ZNF2: variants seen among roughly 807,000 people sequenced by gnomAD.
ZNF2 encodes zinc finger protein 2, also known as zinc finger protein 2.2.
Under a neutral mutation model 21.9 loss-of-function variants are expected in ZNF2, and 12 were observed. The observed-to-expected ratio is 0.55, with a 90% CI of 0.35 to 0.89. The LOEUF (loss-of-function observed/expected upper bound fraction) is 0.89. Among genes scored for constraint, ZNF2 ranks in the 40% least tolerant of loss-of-function variants. The probability of loss-of-function intolerance (pLI) is 0.01; values close to 1 mark genes in which losing one functional copy is unlikely to be tolerated. For synonymous variants in ZNF2, 186 were observed against 196.3 expected (o/e 0.95, Z 0.44); for missense variants, 462 against 544.2 (o/e 0.85, Z 1.50).
intron 4 of ZNF2, among the ~76,000 whole-genome samples, chr2:95,180,474 C>G (rs1330532463): frequency 1.3e-5 from 2 of 151,538 alleles, no homozygotes; most frequent in Non-Finnish European, 2.9e-5. Flanking sequence ...GTTACTTTCT[C>G]ACGTCTGTAA....
rs1159863243 is a variant in ZNF2, at chr2:95,184,154, C to T, written c.*2048C>T. The T allele has an allele frequency of 6.6e-6, 1 of 152,194 alleles. No homozygotes were observed. The highest frequency in any genetic ancestry group is 1.5e-5 in the Non-Finnish European group (1 of 68,052). 9.4% of individuals were successfully genotyped at this position (152,194 alleles called of 1,614,324 possible). On this transcript the variant is annotated 3_prime_UTR_variant, in exon 5 of 5. Transcript: ENST00000614034. ...GACCCTCCCCAACCTACTAACGACC[C>T]TATTACTCTGTTCACCCTAGAGCAG...
intron 1 of ZNF2, among the ~76,000 whole-genome samples, chr2:95,171,193 T>C (rs1674253489): frequency 6.6e-6 from 1 of 152,128 alleles, no homozygotes; most frequent in Non-Finnish European, 1.5e-5. Context: ...TATTCAAAGA[T>C]GTGGGGTCGG....
At chr2:95,178,681 AC>A (rs770691255) in intron 3 of ZNF2, among the ~76,000 whole-genome samples, 4 of 152,208 alleles carry the variant, frequency 2.6e-5, no homozygotes, top group Non-Finnish European at 4.4e-5. Context: ...TTTTAATATA[AC>A]CAAAAATGGA....
intron 1 of ZNF2, among the ~76,000 whole-genome samples, chr2:95,172,558 C>CT (rs1674312606): frequency 6.6e-6 from 1 of 151,690 alleles, no homozygotes; most frequent in Admixed American, 6.6e-5. Context: ...TGTGTTTTTC[C>CT]TTTTTCTATA....
At position 95,181,718 on chromosome 2, in the gene ZNF2, A is replaced by G. The variant is rs1241180537; in HGVS notation, c.890A>G (p.Lys297Arg). The G allele has an allele frequency of 1.2e-6, 2 of 1,614,154 alleles. No homozygotes were observed. Among genetic ancestry groups the G allele is most frequent in the Non-Finnish European group, 1.7e-6 (2 of 1,180,010 alleles). ...CHQCGKAFSQ[K>R]SILTRHQLIH... The stretch of plus-strand genomic sequence containing the variant: ...CAGTGTGGGAAAGCCTTTAGCCAGA[A>G]AAGTATTCTTACTCGCCATCAGCTA... Residue 297 changes from lysine to arginine, a missense_variant, in exon 5 of 5, where the codon AAA becomes AGA. By Grantham distance (26) the Lys-to-Arg change is conservative (BLOSUM62 2). Coordinates refer to ENST00000614034, the MANE Select transcript of ZNF2 (RefSeq NM_021088.4).
chr2:95,179,626 G>T (rs894783982), intron 3 of ZNF2, among the ~76,000 whole-genome samples: 4 of 152,224 alleles, frequency 2.6e-5, no homozygotes, highest in Non-Finnish European at 4.4e-5. Context: ...ATCTACACGG[G>T]TTCTCTCAAC....
rs1166522083 is a variant in ZNF2 at position 95,166,435 on chromosome 2, G to T, written c.-40+575G>T. Among the ~76,000 whole-genome samples the T allele has an allele frequency of 2.6e-5, 4 of 152,104 alleles. No homozygotes were observed. In the South Asian group the frequency reaches 8.3e-4, roughly 32 times the overall value. Reference sequence around the variant, plus strand: ...ACAAGGTTGAAGAAAAGGTACGCTGGGAGCCAGGGCCCGGGACTCAGAGAA... The same window carrying T: ...ACAAGGTTGAAGAAAAGGTACGCTGTGAGCCAGGGCCCGGGACTCAGAGAA... On this transcript the variant is annotated intron_variant, in intron 1 of 4. Transcript: ENST00000614034.
chr2:95,179,624 G>A (rs765430050), intron 3 of ZNF2, among the ~76,000 whole-genome samples: 7 of 152,154 alleles, frequency 4.6e-5, no homozygotes, highest in Non-Finnish European at 8.8e-5. Flanking sequence ...GAATCTACAC[G>A]GGTTCTCTCA....
intron 2 of ZNF2, among the ~76,000 whole-genome samples, chr2:95,176,646 G>A (rs137864400): frequency 6.6e-6 from 1 of 152,322 alleles, no homozygotes; most frequent in African/African-American, 2.4e-5. Context: ...GCTGGGGCGT[G>A]TGATACACAC....
At chr2:95,172,164 TAA>T (rs1385346624) in intron 1 of ZNF2, among the ~76,000 whole-genome samples, 1 of 152,242 alleles carries the variant, frequency 6.6e-6, no homozygotes, top group Non-Finnish European at 1.5e-5. Context: ...TATTGAGGGC[TAA>T]GTCACATAGG....
At position 95,181,851 on chromosome 2, in the gene ZNF2, T is replaced by C; in HGVS notation, c.1023T>C (p.Tyr341=). 1 of 1,614,228 alleles carries C rather than the reference T, an allele frequency of 6.2e-7. No individual in the cohort carries two copies. Among genetic ancestry groups the C allele is most frequent in the Non-Finnish European group, 8.5e-7 (1 of 1,180,052 alleles). ...AAGCTCATGCTGGGGACCCTCGCTA[T>C]CAGTGTAACGAGTGTGGCAAAGCTT... ...HQKAHAGDPR[Y]QCNECGKAFF... is the part of the protein sequence containing the mutation. Residue 341 remains tyrosine, a synonymous_variant, in exon 5 of 5, where the codon TAT becomes TAC. Transcript: ENST00000614034.
intron 3 of ZNF2, among the ~76,000 whole-genome samples, chr2:95,178,281 G>C (rs1159849122): frequency 2.6e-5 from 4 of 152,168 alleles, no homozygotes; most frequent in Non-Finnish European, 4.4e-5. Flanking sequence ...AGAGTGCCCA[G>C]ATTGAGAAAC....
intron 3 of ZNF2, among the ~76,000 whole-genome samples, 155 bp downstream of exon 3, chr2:95,177,764 G>A (rs1446217800): frequency 1.3e-5 from 2 of 152,166 alleles, no homozygotes; most frequent in Non-Finnish European, 2.9e-5. Context: ...GTACAGCAAC[G>A]GCGGGCTCAA....
Position 95,176,026 on chromosome 2 carries a change from G to A in ZNF2, c.-39-162G>A, listed in dbSNP as rs187630410. ...CATGGTTGTTGGCTCTAATTCTGGG[G>A]TGGTCTGGGATTGTTCCTGGCTTTG... On this transcript the variant is annotated intron_variant, in intron 1 of 4. Coordinates refer to ENST00000614034, the MANE Select transcript of ZNF2 (RefSeq NM_021088.4). 5.9e-5 allele frequency among the ~76,000 whole-genome samples: 9 copies of A among 152,300 alleles called. No homozygotes were observed. In the East Asian group the frequency reaches 1.4e-3, roughly 23 times the overall value.
rs1289879634 is a variant in ZNF2 at position 95,184,308 on chromosome 2, T to C, written c.*2202T>C. On this transcript the variant is annotated 3_prime_UTR_variant, in exon 5 of 5. Coordinates refer to ENST00000614034, the MANE Select transcript of ZNF2 (RefSeq NM_021088.4). ...ATGTCAAGTAGGAAATAAAAGAGAC[T>C]ATTGACAAACTTTTGGCTGATGACT... 6.6e-6 allele frequency: 1 copy of C among 152,212 alleles called. No individual in the cohort carries two copies. Among genetic ancestry groups the C allele is most frequent in the Non-Finnish European group, 1.5e-5 (1 of 68,048 alleles). The allele number at this position is 152,212 out of a possible 1,614,324, so 9.4% of individuals were successfully genotyped here.
intron 1 of ZNF2, among the ~76,000 whole-genome samples, chr2:95,168,351 G>A (rs1408672595): frequency 5.9e-5 from 9 of 151,914 alleles, no homozygotes; most frequent in African/African-American, 2.2e-4. Flanking sequence ...CTTGAACCTG[G>A]GAGGCAGAGG....
intron 1 of ZNF2, 54 bp from the exon 2 acceptor site, chr2:95,176,134 C>A: frequency 1.3e-6 from 2 of 1,481,884 alleles, no homozygotes; most frequent in Non-Finnish European, 1.9e-6. Context: ...GACTATGCGA[C>A]AGGACTGGTC....
rs564590663 is a variant in ZNF2 at position 95,178,867 on chromosome 2, G to A, written c.160+1258G>A. The stretch of plus-strand genomic sequence containing the variant: ...TGTTATCCATACAATGTCATATCCC[G>A]TAGCCATTACAATGGTGAGGTAGAT... On this transcript the variant is annotated intron_variant, in intron 3 of 4. Coordinates refer to ENST00000614034, the MANE Select transcript of ZNF2 (RefSeq NM_021088.4). Among the ~76,000 whole-genome samples the A allele has an allele frequency of 3.9e-5, 6 of 151,940 alleles. No homozygotes were observed. The South Asian group carries it at 8.3e-4, about 21-fold the overall frequency.
intron 1 of ZNF2, among the ~76,000 whole-genome samples, chr2:95,170,308 G>A (rs1362699227): frequency 1.3e-5 from 2 of 152,044 alleles, no homozygotes; most frequent in Non-Finnish European, 2.9e-5. Context: ...TTAGGTTGGG[G>A]GTGTTTTTTG....
Sources: allele counts gnomAD v4.1 joint callset (sites outside exome capture counted in the v4.1 genomes callset), GRCh38; gene constraint gnomAD v4.1.1; transcripts MANE v1.5; gene names NCBI Gene and HGNC (gene_info 2026-07-23, HGNC 2026-07-21).